The following AK8 variants were observed in gnomAD, a reference collection of about 807,000 sequenced individuals.
AK8 encodes the protein adenylate kinase 8, also known as ATP-AMP transphosphorylase 8.
AK8 carries 44 observed loss-of-function variants against 54.6 expected under a neutral mutation model. That is an observed-to-expected ratio of 0.81 (90% CI 0.63 to 1.04). The LOEUF is 1.04. AK8 is among the 50% of genes least tolerant of loss of function. The pLI is 0.00. For synonymous variants in AK8, 239 were observed against 245.6 expected, an observed-to-expected ratio of 0.97 and a Z score of 0.25; for missense variants, 555 against 613.6, an observed-to-expected ratio of 0.90 and a Z score of 1.01.
chr9:132,754,371 G>A lies in AK8; in HGVS notation c.1122-26837C>T, dbSNP rs183770484. Among the ~76,000 whole-genome samples the A allele has an allele frequency of 7.2e-5, 11 of 152,274 alleles. No individual in the cohort carries two copies. The East Asian group carries it at 9.6e-4, about 13-fold the overall frequency. ...AATCAGCATATTGCAGTGTGAGCCC[G>A]AGGTGATATCCAGCAGGCCTTTGAG... On this transcript the variant is annotated intron_variant, in intron 11 of 12. Transcript: ENST00000298545.
chr9:132,851,379 C>T (rs1384722828), intron 5 of AK8, among the ~76,000 whole-genome samples: 3 of 152,226 alleles, frequency 2.0e-5, no homozygotes, highest in Non-Finnish European at 4.4e-5. Flanking sequence ...TGACCCTGGT[C>T]ATGGGTGCAG....
intron 11 of AK8, among the ~76,000 whole-genome samples, chr9:132,764,719 G>T (rs1465175822): frequency 2.6e-5 from 4 of 152,188 alleles, no homozygotes; most frequent in Non-Finnish European, 4.4e-5. Flanking sequence ...CTTCACTGCT[G>T]AATTCTACCA....
chr9:132,809,853 C>A (rs892260079), intron 10 of AK8, among the ~76,000 whole-genome samples: 2 of 152,244 alleles, frequency 1.3e-5, no homozygotes, highest in Non-Finnish European at 2.9e-5. Context: ...GGGGCCTCAG[C>A]CAGCTGGGCT....
intron 11 of AK8, among the ~76,000 whole-genome samples, chr9:132,787,399 C>T (rs1467659481): frequency 4.6e-5 from 7 of 152,208 alleles, no homozygotes; most frequent in East Asian, 3.9e-4. Context: ...AAAAAAGTCA[C>T]GTATGAAGGC....
chr9:132,869,739 G>A (rs1055156639), intron 2 of AK8, among the ~76,000 whole-genome samples: 1 of 152,268 alleles, frequency 6.6e-6, no homozygotes, highest in Non-Finnish European at 1.5e-5. Context: ...AGGTGGCATT[G>A]AGGACACATG....
intron 5 of AK8, among the ~76,000 whole-genome samples, chr9:132,833,063 C>T (rs1842171728): frequency 6.6e-6 from 1 of 152,198 alleles, no homozygotes; most frequent in South Asian, 2.1e-4. Context: ...GGAGGCTCTT[C>T]CTCTCTGCGC....
At chr9:132,836,459 T>G (rs1842328064) in intron 5 of AK8, among the ~76,000 whole-genome samples, 1 of 152,180 alleles carries the variant, frequency 6.6e-6, no homozygotes, top group African/African-American at 2.4e-5. Flanking sequence ...AAAAATTGTT[T>G]AAAAAGGCAA....
intron 11 of AK8, among the ~76,000 whole-genome samples, chr9:132,771,093 G>A (rs908968177): frequency 2.6e-5 from 4 of 152,190 alleles, no homozygotes; most frequent in Non-Finnish European, 4.4e-5. Flanking sequence ...CAGGGACTCC[G>A]TCTCAGTCCG....
At chr9:132,739,201 G>A (rs961643820) in intron 11 of AK8, among the ~76,000 whole-genome samples, 56 of 151,618 alleles carry the variant, frequency 3.7e-4, no homozygotes, top group Non-Finnish European at 3.4e-4. Flanking sequence ...TATAATCCCA[G>A]CACTTTGGGA....
intron 10 of AK8, among the ~76,000 whole-genome samples, chr9:132,805,862 CAA>C (rs1459361220): frequency 1.3e-5 from 2 of 151,982 alleles, no homozygotes; most frequent in Non-Finnish European, 2.9e-5. Flanking sequence ...GCGGAAAAGT[CAA>C]AAGTTTGACT....
chr9:132,787,516 A>C lies in AK8; in HGVS notation c.1121+5118T>G, dbSNP rs368438326. On this transcript the variant is annotated intron_variant, in intron 11 of 12. Transcript: ENST00000298545. ...TCTCACCCAGCCAATCTATCCAACA[A>C]GTATGAAGATAGAATAGACACTTTC... is the stretch of plus-strand genomic sequence containing the variant. Among the ~76,000 whole-genome samples, 12 of 152,328 alleles carry C rather than the reference A, an allele frequency of 7.9e-5. No individual in the cohort carries two copies. In the East Asian group the frequency reaches 1.2e-3, roughly 15 times the overall value.
chr9:132,815,558 A>AAAAAAG (rs911133639), intron 9 of AK8, among the ~76,000 whole-genome samples: 5 of 152,082 alleles, frequency 3.3e-5, no homozygotes, highest in African/African-American at 4.8e-5. Context: ...GTTTCAAAAA[A>AAAAAAG]AAAAAGAAAA....
At chr9:132,792,599 T>C in intron 11 of AK8, 35 bp downstream of exon 11, 2 of 1,539,126 alleles carry the variant, frequency 1.3e-6, no homozygotes, top group South Asian at 1.2e-5. Flanking sequence ...CCCAGGGGCT[T>C]GGCCAGGGCT....
chr9:132,786,825 T>C (rs1357266659), intron 11 of AK8, among the ~76,000 whole-genome samples: 2 of 152,050 alleles, frequency 1.3e-5, no homozygotes, highest in Non-Finnish European at 2.9e-5. Context: ...AAACTGGTTA[T>C]GCAGAAAGGA....
At chr9:132,821,667 G>A (rs1307928015) in intron 9 of AK8, among the ~76,000 whole-genome samples, 1 of 148,638 alleles carries the variant, frequency 6.7e-6, no homozygotes, top group Non-Finnish European at 1.5e-5. Context: ...TTCTGGGGTG[G>A]TATATACATA....
At chr9:132,785,007 T>A (rs938255134) in intron 11 of AK8, among the ~76,000 whole-genome samples, 2 of 151,896 alleles carry the variant, frequency 1.3e-5, no homozygotes, top group South Asian at 4.2e-4. Context: ...TATAATAGAC[T>A]GGCACAGAAA....
intron 4 of AK8, among the ~76,000 whole-genome samples, chr9:132,856,811 A>G (rs1471685474): frequency 6.6e-6 from 1 of 152,206 alleles, no homozygotes; most frequent in African/African-American, 2.4e-5. Context: ...ACAAAGGGAA[A>G]GAGAGAAACC....
intron 11 of AK8, among the ~76,000 whole-genome samples, chr9:132,777,997 C>T (rs977179484): frequency 6.6e-6 from 1 of 152,202 alleles, no homozygotes; most frequent in Admixed American, 6.5e-5. Context: ...TGCGAAGGAG[C>T]GCAGCAGGCC....
chr9:132,734,475 C>T (rs1047751949), intron 11 of AK8, among the ~76,000 whole-genome samples: 6 of 152,194 alleles, frequency 3.9e-5, no homozygotes, highest in Non-Finnish European at 8.8e-5. Context: ...GGTACTCACG[C>T]CTGTAACCCC....
Sources: allele counts gnomAD v4.1 joint callset (sites outside exome capture counted in the v4.1 genomes callset), GRCh38; gene constraint gnomAD v4.1.1; transcripts MANE v1.5; gene names NCBI Gene and HGNC (gene_info 2026-07-23, HGNC 2026-07-21).